POM121: variants seen among roughly 807,000 people sequenced by gnomAD.
The protein encoded by POM121 is nuclear envelope pore membrane protein POM 121.
A neutral mutation model predicts 81.3 loss-of-function variants in POM121; 32 were observed. That is an observed-to-expected ratio of 0.39 (90% confidence interval 0.30 to 0.53). The LOEUF is 0.53. POM121 is among the 20% of genes least tolerant of loss of function. POM121 has a pLI of 0.66. For missense variants in POM121, 1,138 were observed against 1,614.6 expected (o/e 0.70, Z 5.06); for synonymous variants, 514 against 694.2 (o/e 0.74, Z 4.08).
Position 72,926,267 on chromosome 7 carries a change from G to A in POM121, c.650G>A (p.Cys217Tyr), listed in dbSNP as rs564484481. 272 of 1,557,490 alleles carry A rather than the reference G, an allele frequency of 1.7e-4. 2 individuals carry two copies. In the African/African-American group the frequency reaches 3.2e-3, roughly 18 times the overall value. Residue 217 changes from cysteine to tyrosine, a missense_variant, in exon 2 of 13, where the codon TGT (cysteine) becomes TAT (tyrosine). Transcript: ENST00000434423. ...RPSRRPSPRD[C>Y]GTLPNRFVIT... is the part of the protein sequence containing the mutation. The stretch of plus-strand genomic sequence containing the variant: ...TTGTCTCGCATTCTCTGCAGGGATT[G>A]TGGGACTTTACCAAATCGGTTTGTA...
intron 3 of POM121, among the ~76,000 whole-genome samples, chr7:72,909,533 C>T (rs1229127031): frequency 5.3e-5 from 8 of 152,190 alleles, no homozygotes; most frequent in African/African-American, 9.6e-5. Flanking sequence ...TGTTTAGATT[C>T]GGGTTGCACT....
chr7:72,922,736 A>C (rs1238737874), upstream of POM121, among the ~76,000 whole-genome samples: 1 of 151,826 alleles, frequency 6.6e-6, no homozygotes, highest in African/African-American at 2.4e-5. Context: ...TATTTTCCTA[A>C]ATGATTTGTG....
chr7:72,945,314 T>C (rs1797568820), intron 11 of POM121, among the ~76,000 whole-genome samples: 1 of 151,974 alleles, frequency 6.6e-6, no homozygotes, highest in Non-Finnish European at 1.5e-5. Flanking sequence ...TCTGCAGCGA[T>C]GGTCAGGAGG....
intron 1 of POM121, among the ~76,000 whole-genome samples, chr7:72,888,710 A>G (rs138099178): frequency 2.1e-3 from 270 of 130,618 alleles, no homozygotes; most frequent in East Asian, 3.8e-3. Context: ...GTGTATACAC[A>G]CAAACTGTAT....
At chr7:72,928,300 A>G (rs544804289) in intron 3 of POM121, 85 bp from the exon 4 acceptor site, 1 of 1,543,600 alleles carries the variant, frequency 6.5e-7, no homozygotes, top group Non-Finnish European at 8.9e-7. Flanking sequence ...TAGAGATAGT[A>G]TAAGGTCCCA....
chr7:72,921,998 T>C (rs1794857417), upstream of POM121, among the ~76,000 whole-genome samples: 1 of 152,200 alleles, frequency 6.6e-6, no homozygotes, highest in African/African-American at 2.4e-5. Flanking sequence ...TTCCAAATTG[T>C]GCTGTTTCAT....
At chr7:72,948,324 G>T (rs1554503793), downstream of POM121, 2 of 1,603,416 alleles carry the variant, frequency 1.2e-6, no homozygotes, top group South Asian at 2.2e-5. Context: ...TTTTATTTCT[G>T]CAGGCAACAC....
chr7:72,887,473 T>G (rs1252155351), intron 1 of POM121, among the ~76,000 whole-genome samples: 1 of 152,180 alleles, frequency 6.6e-6, no homozygotes, highest in Non-Finnish European at 1.5e-5. Flanking sequence ...TGGTTCACCT[T>G]GTTTATTTCC....
upstream of POM121, chr7:72,924,583 G>A: frequency 6.5e-6 from 1 of 152,702 alleles, no homozygotes; most frequent in East Asian, 1.9e-4. Context: ...CCACTCCCTA[G>A]CCCTAGGCAA....
rs367666335 is a variant in POM121 at position 72,930,126 on chromosome 7, C to T, written c.1275+15C>T. 8.8e-6 allele frequency: 14 copies of T among 1,589,288 alleles called. No homozygotes were observed. The highest frequency in any genetic ancestry group is 2.7e-5 in the African/African-American group (2 of 74,218). Reference sequence around the variant, plus strand: ...GCATCTCACAGGTACAAGTACAGCTCTTTTAATGTGGGGGACATGAATTCC... The same window carrying T: ...GCATCTCACAGGTACAAGTACAGCTTTTTTAATGTGGGGGACATGAATTCC... On this transcript the variant is annotated intron_variant, in intron 5 of 12. Transcript: ENST00000434423.
At chr7:72,927,128 T>C (rs1268118818) in intron 3 of POM121, among the ~76,000 whole-genome samples, 165 bp downstream of exon 3, 2 of 152,228 alleles carry the variant, frequency 1.3e-5, no homozygotes, top group Non-Finnish European at 2.9e-5. Flanking sequence ...GTTTTAATGC[T>C]GCTCTTTTCA....
intron 4 of POM121, among the ~76,000 whole-genome samples, chr7:72,919,666 G>T (rs1173458924): frequency 4.6e-5 from 7 of 152,076 alleles, no homozygotes; most frequent in Admixed American, 2.6e-4. Flanking sequence ...ATTTTTTTTA[G>T]AGACAGGTTC....
At chr7:72,923,237 C>G (rs1794994775), upstream of POM121, among the ~76,000 whole-genome samples, 1 of 151,178 alleles carries the variant, frequency 6.6e-6, no homozygotes, top group South Asian at 2.1e-4. Flanking sequence ...TTCTTCTCAT[C>G]TCTCTGTGTT....
chr7:72,926,747 T>C, intron 2 of POM121, 55 bp from the exon 3 acceptor site: 1 of 1,595,606 alleles, frequency 6.3e-7, no homozygotes, highest in Non-Finnish European at 8.6e-7. Flanking sequence ...AAGTCTGTGC[T>C]ATATGGCATG....
In POM121 at chr7:72,890,851, A is replaced by T. The variant is rs560292787; in HGVS notation, c.-393-82A>T. The stretch of plus-strand genomic sequence containing the variant: ...CAACACCATTTAATTCCTTGTGGGC[A>T]CTAGCTGCAGTGTTTATATTATTCT... On this transcript the variant is annotated intron_variant, in intron 2 of 15. Transcript: ENST00000395270. 8.1e-6 allele frequency: 11 copies of T among 1,365,342 alleles called. No homozygotes were observed. The East Asian group carries it at 2.1e-4, about 26-fold the overall frequency. The allele number at this position is 1,365,342 out of a possible 1,614,324, so 84.6% of individuals were successfully genotyped here.
intron 1 of POM121, among the ~76,000 whole-genome samples, chr7:72,889,510 CTTTT>C (rs1344309439): frequency 1.4e-5 from 2 of 143,576 alleles, no homozygotes. Context: ...TTGCATTTTT[CTTTT>C]TTTTTTTTTT....
At chr7:72,879,724 G>A (rs1306175579) in exon 1 of POM121, 2 of 460,864 alleles carry the variant, frequency 4.3e-6, no homozygotes, top group Non-Finnish European at 8.6e-6. Context: ...AAGGACACCC[G>A]CCTGGATTTG....
intron 1 of POM121, 33 bp from the exon 2 acceptor site, chr7:72,926,229 T>C: frequency 2.0e-6 from 3 of 1,536,288 alleles, no homozygotes; most frequent in Non-Finnish European, 2.6e-6. Flanking sequence ...CTTTTTTGCT[T>C]TGGTTCCGTG....
rs1795234372 is a variant in POM121, at chr7:72,925,111, G to A, written c.-11G>A. ...GGGATATTTAAGTCTCCTCCGCGGCGCGGAGCCGCGATGTCTCCGGCGGCT... is the reference window on the plus strand; with the variant it reads ...GGGATATTTAAGTCTCCTCCGCGGCACGGAGCCGCGATGTCTCCGGCGGCT... On this transcript the variant is annotated 5_prime_UTR_variant, in exon 1 of 13. Transcript: ENST00000434423. The A allele has an allele frequency of 3.6e-6, 5 of 1,402,706 alleles. No homozygotes were observed. The highest frequency in any genetic ancestry group is 2.6e-4 in the Middle Eastern group (1 of 3,866). The allele number at this position is 1,402,706 out of a possible 1,614,324, so 86.9% of individuals were successfully genotyped here.
Sources: gnomAD v4.1 joint callset for allele counts (sites outside exome capture counted in the v4.1 genomes callset) on GRCh38, gnomAD v4.1.1 for gene constraint, MANE v1.5 for transcripts, NCBI Gene and HGNC (gene_info 2026-07-23, HGNC 2026-07-21) for gene names.